Variants in LINGO2 observed in about 807,000 individuals in gnomAD.
The protein encoded by LINGO2 is leucine-rich repeat and immunoglobulin-like domain-containing nogo receptor-interacting protein 2.
Under a neutral mutation model 30.6 loss-of-function variants are expected in LINGO2, and 14 were observed. The ratio of observed to expected loss-of-function variants is 0.46; its 90% CI spans 0.30 to 0.72. LINGO2 has a LOEUF of 0.72. Among genes scored for constraint, LINGO2 ranks in the 30% least tolerant of loss-of-function variants. The probability of loss-of-function intolerance (pLI) is 0.07; values close to 1 mark genes in which losing one functional copy is unlikely to be tolerated. For synonymous variants in LINGO2, 317 were observed against 288.5 expected (o/e 1.10, Z -1.00); for missense variants, 729 against 751.7 (o/e 0.97, Z 0.35).
intron 4 of LINGO2, among the ~76,000 whole-genome samples, chr9:28,049,447 C>T (rs186282662): frequency 3.3e-4 from 50 of 149,928 alleles, no homozygotes; most frequent in Admixed American, 1.5e-3. Context: ...GTAGAGTTAG[C>T]GAGGCAAAAA....
At chr9:28,864,987 AG>A in the LINGO2 span, among the ~76,000 whole-genome samples, 1 of 152,070 alleles carries the variant, frequency 6.6e-6, no homozygotes, top group South Asian at 2.1e-4. Flanking sequence ...AGACATGGAG[AG>A]GCCACTTAAT....
intron 5 of LINGO2, among the ~76,000 whole-genome samples, chr9:27,968,541 G>A (rs1201021652): frequency 2.6e-5 from 4 of 151,956 alleles, no homozygotes; most frequent in South Asian, 2.1e-4. Context: ...ACTTTAAAGT[G>A]TTAGATTGTG....
chr9:28,645,806 A>G (rs761623326), intron 1 of LINGO2, among the ~76,000 whole-genome samples: 4 of 152,120 alleles, frequency 2.6e-5, no homozygotes, highest in Non-Finnish European at 4.4e-5. Context: ...CATGGAGCAG[A>G]CAAAACAAGG....
the LINGO2 span, among the ~76,000 whole-genome samples, chr9:28,877,977 A>G: frequency 1.3e-5 from 2 of 152,126 alleles, no homozygotes; most frequent in East Asian, 1.9e-4. Flanking sequence ...CGTCCCTTGA[A>G]AGTTGGATTC....
chr9:28,228,437 T>C, intron 4 of LINGO2, among the ~76,000 whole-genome samples: 1 of 152,048 alleles, frequency 6.6e-6, no homozygotes, highest in Admixed American at 6.6e-5. Flanking sequence ...GACTCATACA[T>C]ATCTTTCTTC....
At chr9:29,038,691 A>AAC in the LINGO2 span, among the ~76,000 whole-genome samples, 1 of 148,898 alleles carries the variant, frequency 6.7e-6, no homozygotes, top group African/African-American at 2.5e-5. Context: ...AAAAAAAAAA[A>AAC]CATGAAAAAA....
intron 3 of LINGO2, among the ~76,000 whole-genome samples, chr9:28,317,610 T>A (rs1238677969): frequency 6.6e-6 from 1 of 152,110 alleles, no homozygotes; most frequent in East Asian, 1.9e-4. Flanking sequence ...GGATGAAATT[T>A]TAATGGATTC....
chr9:28,158,979 T>G (rs2133588736), intron 4 of LINGO2, among the ~76,000 whole-genome samples: 1 of 152,292 alleles, frequency 6.6e-6, no homozygotes, highest in South Asian at 2.1e-4. Context: ...AAGAGAAAAC[T>G]TAGAGTAGAA....
chr9:29,127,172 A>C, the LINGO2 span, among the ~76,000 whole-genome samples: 4 of 152,182 alleles, frequency 2.6e-5, no homozygotes, highest in African/African-American at 9.6e-5. Flanking sequence ...TTCTGTAACC[A>C]ATGCTCTTCA....
At chr9:28,399,092 C>T (rs1352540967) in intron 2 of LINGO2, among the ~76,000 whole-genome samples, 1 of 152,216 alleles carries the variant, frequency 6.6e-6, no homozygotes, top group Admixed American at 6.5e-5. Flanking sequence ...GGATTTAGCA[C>T]ATCCAAATAT....
chr9:28,792,559 C>A, the LINGO2 span, among the ~76,000 whole-genome samples: 1 of 152,024 alleles, frequency 6.6e-6, no homozygotes, highest in East Asian at 1.9e-4. Flanking sequence ...TTTAGGTAGT[C>A]ATTATCCAAG....
intron 4 of LINGO2, among the ~76,000 whole-genome samples, chr9:28,128,495 T>G (rs1827299290): frequency 6.6e-6 from 1 of 152,198 alleles, no homozygotes; most frequent in Non-Finnish European, 1.5e-5. Context: ...TCTCTTAATT[T>G]CCCACGCATG....
At chr9:29,185,819 C>A in the LINGO2 span, among the ~76,000 whole-genome samples, 2 of 152,106 alleles carry the variant, frequency 1.3e-5, no homozygotes, top group Non-Finnish European at 2.9e-5. Flanking sequence ...CACCACAGAA[C>A]CAAAGTATAT....
intron 2 of LINGO2, among the ~76,000 whole-genome samples, chr9:28,464,186 A>G (rs1825203361): frequency 6.6e-6 from 1 of 152,178 alleles, no homozygotes; most frequent in African/African-American, 2.4e-5. Context: ...TAGCAAATGT[A>G]TTTTATACAA....
chr9:28,348,343 A>G (rs1819678002), intron 3 of LINGO2, among the ~76,000 whole-genome samples: 1 of 152,174 alleles, frequency 6.6e-6, no homozygotes, highest in South Asian at 2.1e-4. Context: ...TGGGAAGCGC[A>G]AGGGGTCAGA....
At chr9:28,884,987 A>AT in the LINGO2 span, among the ~76,000 whole-genome samples, 15 of 6,066 alleles carry the variant, frequency 2.5e-3, no homozygotes, top group African/African-American at 7.3e-3. Flanking sequence ...TATAATATAT[A>AT]ATAATATATT....
At chr9:28,869,350 A>G in the LINGO2 span, among the ~76,000 whole-genome samples, 17 of 152,202 alleles carry the variant, frequency 1.1e-4, no homozygotes, top group East Asian at 9.7e-4. Flanking sequence ...GAATTAGACA[A>G]TAAGAAAGGT....
chr9:28,399,954 T>C (rs1822193793), intron 2 of LINGO2, among the ~76,000 whole-genome samples: 1 of 152,170 alleles, frequency 6.6e-6, no homozygotes, highest in Non-Finnish European at 1.5e-5. Context: ...CTTGAAGTAG[T>C]GCTTAGTTTA....
At chr9:29,159,675 G>A in the LINGO2 span, among the ~76,000 whole-genome samples, 2 of 151,984 alleles carry the variant, frequency 1.3e-5, no homozygotes, top group East Asian at 1.9e-4. Context: ...TAGCCAACAC[G>A]GGGAAACCCT....
Sources: allele counts gnomAD v4.1 joint callset (sites outside exome capture counted in the v4.1 genomes callset), GRCh38; gene constraint gnomAD v4.1.1; transcripts MANE v1.5; gene names NCBI Gene and HGNC (gene_info 2026-07-23, HGNC 2026-07-21).